Variants in DPH6 observed in about 807,000 individuals in gnomAD.
DPH6 encodes the protein diphthine--ammonia ligase.
Under a neutral mutation model 38.2 loss-of-function variants are expected in DPH6, and 33 were observed. The observed-to-expected ratio is 0.86, with a 90% CI of 0.65 to 1.15. The LOEUF (loss-of-function observed/expected upper bound fraction) is 1.15, where lower values mean the gene tolerates loss of function less well. Ranked by LOEUF, DPH6 falls within the 50% of genes most tolerant of loss-of-function variation. The pLI is 0.00. For synonymous variants in DPH6, 108 were observed against 103.0 expected (o/e 1.05, Z -0.30); for missense variants, 325 against 320.0 (o/e 1.02, Z -0.12).
the DPH6 span, among the ~76,000 whole-genome samples, chr15:35,201,966 C>T: frequency 6.6e-6 from 1 of 151,686 alleles, no homozygotes; most frequent in Admixed American, 6.6e-5. Flanking sequence ...ATTATCTCAA[C>T]TTAGCATATT....
chr15:35,265,228 A>G (rs1185449219), intron 3 of DPH6, among the ~76,000 whole-genome samples: 1 of 152,210 alleles, frequency 6.6e-6, no homozygotes, highest in Admixed American at 6.5e-5. Context: ...CAATCTTAAA[A>G]TGCTTTGAAA....
At chr15:35,314,078 G>A (rs2052166689) in intron 3 of DPH6, among the ~76,000 whole-genome samples, 1 of 150,160 alleles carries the variant, frequency 6.7e-6, no homozygotes, top group African/African-American at 2.5e-5. Context: ...GAATATATAA[G>A]GAGCTCAAAC....
chr15:35,348,827 A>AT (rs1406053809), intron 3 of DPH6, among the ~76,000 whole-genome samples: 1 of 152,050 alleles, frequency 6.6e-6, no homozygotes, highest in African/African-American at 2.4e-5. Flanking sequence ...TTTTTTCAGC[A>AT]ATGTTTTAGA....
chr15:35,155,775 C>A, the DPH6 span, among the ~76,000 whole-genome samples: 1 of 152,094 alleles, frequency 6.6e-6, no homozygotes, highest in Non-Finnish European at 1.5e-5. Context: ...GAGAAAGGCA[C>A]GATTTTGAGA....
At chr15:35,182,548 A>G in the DPH6 span, among the ~76,000 whole-genome samples, 1 of 152,142 alleles carries the variant, frequency 6.6e-6, no homozygotes. Context: ...TCATCCAGCT[A>G]TGATATATAA....
At chr15:35,187,117 T>A in the DPH6 span, among the ~76,000 whole-genome samples, 1 of 152,178 alleles carries the variant, frequency 6.6e-6, no homozygotes, top group Non-Finnish European at 1.5e-5. Context: ...AATATCTACC[T>A]CATTAAGTTG....
chr15:35,514,809 T>C (rs1280666314), intron 3 of DPH6, among the ~76,000 whole-genome samples: 2 of 152,204 alleles, frequency 1.3e-5, no homozygotes, highest in African/African-American at 2.4e-5. Flanking sequence ...TGAAGAATTA[T>C]AAGTCCCCAA....
intron 7 of DPH6, among the ~76,000 whole-genome samples, chr15:35,376,678 C>A (rs1331218407): frequency 6.6e-6 from 1 of 152,000 alleles, no homozygotes; most frequent in Non-Finnish European, 1.5e-5. Flanking sequence ...ACAGGTGTAC[C>A]ATTTAAAAAA....
At chr15:35,369,683 T>C (rs998423297), downstream of DPH6, among the ~76,000 whole-genome samples, 6 of 148,218 alleles carry the variant, frequency 4.0e-5, no homozygotes, top group Non-Finnish European at 7.5e-5. Context: ...CATATTAAGC[T>C]ATAACAATGA....
chr15:35,254,750 G>A (rs1315428585), intron 3 of DPH6, among the ~76,000 whole-genome samples: 1 of 152,170 alleles, frequency 6.6e-6, no homozygotes, highest in Non-Finnish European at 1.5e-5. Context: ...GTGCAGGTGG[G>A]CTGAGTCCGA....
intron 3 of DPH6, among the ~76,000 whole-genome samples, chr15:35,268,742 A>G (rs2051801594): frequency 6.7e-6 from 1 of 149,698 alleles, no homozygotes; most frequent in Non-Finnish European, 1.5e-5. Context: ...AAGGTATAAA[A>G]AATGGAAAAA....
rs754072315 is a variant in DPH6, at chr15:35,373,474, T to C, written c.750+47A>G. 9 of 1,524,808 alleles carry C rather than the reference T, an allele frequency of 5.9e-6. No homozygotes were observed. The African/African-American group carries it at 7.0e-5, about 12-fold the overall frequency. The allele number at this position is 1,524,808 out of a possible 1,614,324, so 94.5% of individuals were successfully genotyped here. ...ATTATATATGCAAAGCCAATGTATA[T>C]ATCTCAAATTTCTATTGAAATCACT... On this transcript the variant is annotated intron_variant, in intron 8 of 8. Coordinates refer to ENST00000256538, the MANE Select transcript of DPH6 (RefSeq NM_080650.4).
chr15:35,481,491 AAAAC>A (rs1224097738), intron 3 of DPH6, among the ~76,000 whole-genome samples: 10 of 152,354 alleles, frequency 6.6e-5, no homozygotes, highest in African/African-American at 1.2e-4. Flanking sequence ...TGTAAAAACA[AAAAC>A]AAACAAAACA....
intron 3 of DPH6, among the ~76,000 whole-genome samples, chr15:35,247,444 C>T (rs1303600129): frequency 6.6e-6 from 1 of 152,180 alleles, no homozygotes; most frequent in Admixed American, 6.5e-5. Context: ...GAGCACAAAT[C>T]CTGGCCTGCC....
At chr15:35,520,223 AAAAAAAC>A (rs1463050024) in intron 3 of DPH6, 12 of 745,020 alleles carry the variant, frequency 1.6e-5, no homozygotes, top group Non-Finnish European at 1.7e-5. Context: ...CATGCTACAA[AAAAAAAC>A]AAAAAAAAAA....
At chr15:35,537,441 A>ACTATTT (rs1490991375) in intron 3 of DPH6, among the ~76,000 whole-genome samples, 33 of 152,184 alleles carry the variant, frequency 2.2e-4, no homozygotes, top group Non-Finnish European at 3.8e-4. Context: ...CATACTTAGA[A>ACTATTT]GAATAACTGA....
intron 6 of DPH6, among the ~76,000 whole-genome samples, chr15:35,384,690 T>C (rs1442851722): frequency 6.6e-6 from 1 of 151,764 alleles, no homozygotes; most frequent in African/African-American, 2.4e-5. Flanking sequence ...AAATAAAAAA[T>C]CACCCCTCAT....
At chr15:35,475,639 G>A (rs1419839806) in intron 3 of DPH6, among the ~76,000 whole-genome samples, 3 of 151,770 alleles carry the variant, frequency 2.0e-5, no homozygotes, top group Non-Finnish European at 2.9e-5. Flanking sequence ...TAAAGAAATT[G>A]AAAATTATGA....
At position 35,371,491 on chromosome 15, in the gene DPH6, C is replaced by T. The variant is rs1177297133; in HGVS notation, c.*659G>A. On this transcript the variant is annotated 3_prime_UTR_variant, in exon 9 of 9. Transcript: ENST00000256538. ...TGGGAAATCTCTGCATTTTCTGCTCCATTTTTGCTGTGAACCTAAAACTGT... is the reference window on the plus strand; with the variant it reads ...TGGGAAATCTCTGCATTTTCTGCTCTATTTTTGCTGTGAACCTAAAACTGT... 5.0e-6 allele frequency: 4 copies of T among 801,296 alleles called. No homozygotes were observed. Among genetic ancestry groups the T allele is most frequent in the Non-Finnish European group, 4.5e-6 (3 of 662,540 alleles). The allele number at this position is 801,296 out of a possible 1,614,324, so 49.6% of individuals were successfully genotyped here.
Sources: allele counts gnomAD v4.1 joint callset (sites outside exome capture counted in the v4.1 genomes callset), GRCh38; gene constraint gnomAD v4.1.1; transcripts MANE v1.5; gene names NCBI Gene and HGNC (gene_info 2026-07-23, HGNC 2026-07-21).